The following SLC24A3 variants were observed in gnomAD, a reference collection of about 807,000 sequenced individuals.
SLC24A3 encodes the protein solute carrier family 24 member 3, also known as sodium/potassium/calcium exchanger 3.
In SLC24A3, 28 loss-of-function variants were observed where a neutral mutation model predicts 75.8. The observed-to-expected ratio is 0.37, with a 90% CI of 0.27 to 0.51. SLC24A3 has a LOEUF of 0.51. Among genes scored for constraint, SLC24A3 ranks in the 20% least tolerant of loss-of-function variants. SLC24A3 has a pLI of 0.94. For missense variants in SLC24A3, 663 were observed against 847.8 expected (o/e 0.78, Z 2.71); for synonymous variants, 372 against 334.1 (o/e 1.11, Z -1.24).
chr20:19,434,834 T>C (rs1987169434), intron 2 of SLC24A3, among the ~76,000 whole-genome samples: 1 of 152,086 alleles, frequency 6.6e-6, no homozygotes, highest in East Asian at 1.9e-4. Flanking sequence ...GAATGGTGAC[T>C]GCTAACCTGA....
At chr20:19,444,956 T>TA (rs1987355995) in intron 2 of SLC24A3, among the ~76,000 whole-genome samples, 1 of 152,168 alleles carries the variant, frequency 6.6e-6, no homozygotes, top group African/African-American at 2.4e-5. Flanking sequence ...TTTTTTCTGA[T>TA]ACGTGCATTC....
At chr20:19,553,818 T>G (rs2030741074) in intron 3 of SLC24A3, among the ~76,000 whole-genome samples, 1 of 151,904 alleles carries the variant, frequency 6.6e-6, no homozygotes, top group Non-Finnish European at 1.5e-5. Context: ...CATAAAATAT[T>G]TGAGTGCAAA....
chr20:19,649,207 C>T (rs1248080516), intron 6 of SLC24A3, among the ~76,000 whole-genome samples: 1 of 152,172 alleles, frequency 6.6e-6, no homozygotes, highest in East Asian at 1.9e-4. Flanking sequence ...CCCCCTCTGC[C>T]AGGAAATGTG....
At chr20:19,670,855 G>C (rs1426039618) in intron 8 of SLC24A3, among the ~76,000 whole-genome samples, 1 of 152,124 alleles carries the variant, frequency 6.6e-6, no homozygotes, top group African/African-American at 2.4e-5. Flanking sequence ...TTTCTGCTGG[G>C]GAGAAGAGGC....
At chr20:19,644,720 C>T (rs2032114751) in intron 6 of SLC24A3, among the ~76,000 whole-genome samples, 1 of 152,172 alleles carries the variant, frequency 6.6e-6, no homozygotes, top group Non-Finnish European at 1.5e-5. Flanking sequence ...GTTTAACCTC[C>T]TCCACCTGAA....
At chr20:19,293,132 G>C (rs552653901) in intron 2 of SLC24A3, among the ~76,000 whole-genome samples, 33 of 152,186 alleles carry the variant, frequency 2.2e-4, no homozygotes, top group African/African-American at 7.9e-4. Flanking sequence ...CTGCCCTTTG[G>C]ACAATATCTT....
At chr20:19,430,844 T>G (rs917127330) in intron 2 of SLC24A3, among the ~76,000 whole-genome samples, 1 of 151,784 alleles carries the variant, frequency 6.6e-6, no homozygotes. Flanking sequence ...AGGTACACAC[T>G]CACCTAGGGA....
intron 2 of SLC24A3, among the ~76,000 whole-genome samples, chr20:19,299,909 A>G (rs1259019554): frequency 6.6e-6 from 1 of 152,194 alleles, no homozygotes; most frequent in Non-Finnish European, 1.5e-5. Context: ...GTGACTCAAT[A>G]TGTTTAAAGC....
In SLC24A3 at chr20:19,308,697, C is replaced by CG. The variant is rs541816978; in HGVS notation, c.271+27614dup. On this transcript the variant is annotated intron_variant, in intron 2 of 16. Coordinates refer to ENST00000328041, the MANE Select transcript of SLC24A3 (RefSeq NM_020689.4). The stretch of plus-strand genomic sequence containing the variant: ...CAACTCGGAATGGAGAAATACTAAA[C>CG]GGGGTTGCAGGAGGGGCTTTATTTC... Among the ~76,000 whole-genome samples the CG allele has an allele frequency of 2.1e-4, 32 of 152,246 alleles. No homozygotes were observed. The South Asian group carries it at 6.4e-3, about 31-fold the overall frequency.
In SLC24A3 at chr20:19,342,734, G is replaced by A. The variant is rs1439421201; in HGVS notation, c.271+61647G>A. Among the ~76,000 whole-genome samples the A allele has an allele frequency of 3.9e-5, 6 of 152,176 alleles. 1 individual carries two copies. The highest frequency in any genetic ancestry group is 2.6e-4 in the Admixed American group (4 of 15,280). ...CAGATGAAGGTGGCTTGACGGAAGA[G>A]ATAACGTCGAAGGTGGGTCTTTGAT... On this transcript the variant is annotated intron_variant, in intron 2 of 16. Transcript: ENST00000328041.
At chr20:19,670,278 A>G (rs766504788) in intron 8 of SLC24A3, among the ~76,000 whole-genome samples, 11 of 152,130 alleles carry the variant, frequency 7.2e-5, no homozygotes, top group Non-Finnish European at 1.3e-4. Context: ...TCAAAAATGC[A>G]TGAGGAACAG....
intron 2 of SLC24A3, among the ~76,000 whole-genome samples, chr20:19,366,899 G>T (rs1486100132): frequency 6.6e-6 from 1 of 152,080 alleles, no homozygotes; most frequent in African/African-American, 2.4e-5. Context: ...ACCATTCATG[G>T]GTACACATGG....
intron 7 of SLC24A3, among the ~76,000 whole-genome samples, chr20:19,662,202 C>G (rs1014992268): frequency 1.3e-5 from 2 of 152,132 alleles, no homozygotes; most frequent in Non-Finnish European, 2.9e-5. Context: ...TCTGGGCTAT[C>G]GCAGAGCCTG....
chr20:19,666,698 A>G (rs1344143733), intron 8 of SLC24A3, among the ~76,000 whole-genome samples: 1 of 150,952 alleles, frequency 6.6e-6, no homozygotes, highest in African/African-American at 2.4e-5. Flanking sequence ...CTGTTGCCCA[A>G]ATTGGCCCGG....
intron 2 of SLC24A3, among the ~76,000 whole-genome samples, chr20:19,463,633 A>C (rs1987716787): frequency 6.8e-6 from 1 of 146,956 alleles, no homozygotes; most frequent in African/African-American, 2.5e-5. Flanking sequence ...CCCGGACTCA[A>C]GGGCAGAAAG....
In SLC24A3 at chr20:19,675,373, G is replaced by A. The variant is rs535931167; in HGVS notation, c.767+1719G>A. 1.5e-4 allele frequency among the ~76,000 whole-genome samples: 23 copies of A among 152,350 alleles called. No homozygotes were observed. The South Asian group carries it at 4.8e-3, about 32-fold the overall frequency. On this transcript the variant is annotated intron_variant, in intron 9 of 16. Transcript: ENST00000328041. ...GGCAGTCTGGAACTGACACATTAAG[G>A]TTTCTTATTGTTGAGGCCTGACAAA...
At chr20:19,665,334 G>A (rs1405820105) in intron 7 of SLC24A3, among the ~76,000 whole-genome samples, 2 of 151,884 alleles carry the variant, frequency 1.3e-5, no homozygotes, top group Non-Finnish European at 2.9e-5. Context: ...GTTGTGATGT[G>A]AAGTTTCCTT....
At chr20:19,684,648 G>T (rs563397758) in intron 11 of SLC24A3, among the ~76,000 whole-genome samples, 27 of 152,254 alleles carry the variant, frequency 1.8e-4, no homozygotes, top group Middle Eastern at 3.4e-3. Flanking sequence ...CACAGAAATT[G>T]TTTCTAACTA....
chr20:19,630,801 G>C (rs2031923638), intron 6 of SLC24A3, among the ~76,000 whole-genome samples: 1 of 152,192 alleles, frequency 6.6e-6, no homozygotes, highest in Admixed American at 6.5e-5. Context: ...TTTGTACCTA[G>C]AGCAGGCCAG....
Sources: gnomAD v4.1 joint callset for allele counts (sites outside exome capture counted in the v4.1 genomes callset) on GRCh38, gnomAD v4.1.1 for gene constraint, MANE v1.5 for transcripts, NCBI Gene and HGNC (gene_info 2026-07-23, HGNC 2026-07-21) for gene names.